ABCB1: variants seen among roughly 807,000 people sequenced by gnomAD.
ABCB1 encodes ATP binding cassette subfamily B member 1, also known as ATP-dependent translocase ABCB1.
ABCB1 carries 69 observed loss-of-function variants against 142.0 expected under a neutral mutation model. The ratio of observed to expected loss-of-function variants is 0.49; its 90% CI spans 0.40 to 0.59. The LOEUF (loss-of-function observed/expected upper bound fraction) is 0.59, where lower values mean the gene tolerates loss of function less well. Ranked by LOEUF, ABCB1 falls within the 20% of genes least tolerant of loss-of-function variation. The probability of loss-of-function intolerance (pLI) is 0.00; values close to 1 mark genes in which losing one functional copy is unlikely to be tolerated. For synonymous variants in ABCB1, 532 were observed against 539.2 expected (o/e 0.99, Z 0.18); for missense variants, 1,326 against 1,554.7 (o/e 0.85, Z 2.47).
intron 3 of ABCB1, among the ~76,000 whole-genome samples, chr7:87,592,072 T>C (rs758553928): frequency 6.6e-6 from 1 of 152,142 alleles, no homozygotes; most frequent in Non-Finnish European, 1.5e-5. Flanking sequence ...CAAACTTCAA[T>C]AGGTTGAGAA....
At chr7:87,514,533 C>T (rs933519473) in intron 25 of ABCB1, among the ~76,000 whole-genome samples, 8 of 152,114 alleles carry the variant, frequency 5.3e-5, no homozygotes, top group South Asian at 4.1e-4. Flanking sequence ...TTTCAATGCC[C>T]TCTCTCCATC....
At chr7:87,569,883 ATTCAACTGCATTTTAAAAGACTACC>A (rs1385026746) in intron 5 of ABCB1, among the ~76,000 whole-genome samples, 1 of 152,146 alleles carries the variant, frequency 6.6e-6, no homozygotes. Flanking sequence ...ATGATTCTTA[ATTCAACTGCATTTTAAAAGACTACC>A]TTAAACTCCT....
chr7:87,680,747 A>G (rs936910510), intron 1 of ABCB1, among the ~76,000 whole-genome samples: 1 of 150,246 alleles, frequency 6.7e-6, no homozygotes, highest in Non-Finnish European at 1.5e-5. Context: ...GTGAGCCAAG[A>G]TCGCGCCATT....
rs1229976439 is a variant in ABCB1 at position 87,503,490 on chromosome 7, T to TA, written c.*752dup. On this transcript the variant is annotated 3_prime_UTR_variant, in exon 28 of 28. Transcript: ENST00000622132. ...ATGTACTTTGGAAGTGTAAAAATCTTAAAAAATCCTTAAAGAACCCTTTAT... is the reference window on the plus strand; with the variant it reads ...ATGTACTTTGGAAGTGTAAAAATCTTAAAAAAATCCTTAAAGAACCCTTTAT... The TA allele has an allele frequency of 2.0e-5, 3 of 152,178 alleles. No homozygotes were observed. Among genetic ancestry groups the TA allele is most frequent in the Non-Finnish European group, 4.4e-5 (3 of 68,022 alleles). The allele number at this position is 152,178 out of a possible 1,614,324, so 9.4% of individuals were successfully genotyped here. A position where few individuals can be genotyped will look rare whatever the true frequency, so the allele number is the denominator to read the frequency against.
rs779516199 is a variant in ABCB1 at position 87,549,976 on chromosome 7, G to T, written c.1429C>A (p.Pro477Thr). Residue 477 changes from proline to threonine, a missense_variant, in exon 13 of 28, where the codon CCT becomes ACT. Physicochemically the swap from Pro to Thr is conservative, Grantham distance 38. Coordinates refer to ENST00000622132, the MANE Select transcript of ABCB1 (RefSeq NM_001348946.2). Reference protein sequence around the residue: ...REIIGVVSQEPVLFATTIAEN... With the variant: ...REIIGVVSQETVLFATTIAEN... ...GCTATCGTGGTGGCAAACAATACAG[G>T]TTCCTGACTCACCACACCAATGATT... 6.2e-7 allele frequency: 1 copy of T among 1,614,188 alleles called. No homozygotes were observed. The highest frequency in any genetic ancestry group is 1.3e-5 in the African/African-American group (1 of 75,052).
chr7:87,569,332 CAAAAAAAAAA>C (rs56689125), intron 5 of ABCB1, among the ~76,000 whole-genome samples: 1 of 111,966 alleles, frequency 8.9e-6, no homozygotes, highest in African/African-American at 3.5e-5. Context: ...CACTCTGTCT[CAAAAAAAAAA>C]AAAAAAAAAA....
At chr7:87,630,130 T>G (rs1240219559) in intron 1 of ABCB1, among the ~76,000 whole-genome samples, 2 of 152,198 alleles carry the variant, frequency 1.3e-5, no homozygotes. Context: ...CCTAGTGATA[T>G]TCCTCTTAAG....
At chr7:87,634,247 C>T (rs918945352) in intron 1 of ABCB1, among the ~76,000 whole-genome samples, 1 of 152,090 alleles carries the variant, frequency 6.6e-6, no homozygotes, top group African/African-American at 2.4e-5. Flanking sequence ...AACACCATCA[C>T]ATTGGAGATC....
At chr7:87,523,466 TAAAAATAC>T (rs1228553482) in intron 21 of ABCB1, among the ~76,000 whole-genome samples, 2 of 151,994 alleles carry the variant, frequency 1.3e-5, no homozygotes, top group African/African-American at 4.8e-5. Context: ...CCATCTCTAC[TAAAAATAC>T]AAAAATTAGC....
chr7:87,541,227 C>T (rs1158545735), intron 18 of ABCB1, 130 bp downstream of exon 18: 1 of 672,510 alleles, frequency 1.5e-6, no homozygotes, highest in East Asian at 2.8e-5. Context: ...GTCAGAAAAA[C>T]TTGGCTGTTA....
chr7:87,586,565 C>T (rs1453092831), intron 3 of ABCB1, among the ~76,000 whole-genome samples: 1 of 152,136 alleles, frequency 6.6e-6, no homozygotes, highest in East Asian at 1.9e-4. Context: ...TAGCTGTAGG[C>T]AACAGGTTTG....
chr7:87,640,251 G>T (rs1822293242), intron 1 of ABCB1, among the ~76,000 whole-genome samples: 1 of 150,474 alleles, frequency 6.6e-6, no homozygotes, highest in Non-Finnish European at 1.5e-5. Flanking sequence ...TTTACAGTAG[G>T]TATTTAGGAA....
chr7:87,702,268 T>C (rs1829155229), intron 1 of ABCB1, among the ~76,000 whole-genome samples: 1 of 151,326 alleles, frequency 6.6e-6, no homozygotes. Flanking sequence ...TTTATTGTTT[T>C]ATTTTATTTT....
intron 1 of ABCB1, among the ~76,000 whole-genome samples, chr7:87,653,807 T>C (rs751019726): frequency 1.3e-5 from 2 of 152,016 alleles, no homozygotes; most frequent in Non-Finnish European, 2.9e-5. Context: ...CTTAGTCTTC[T>C]GGCTTACCAC....
At chr7:87,530,842 A>AAAGCAAGAAAGC (rs763471275) in intron 21 of ABCB1, among the ~76,000 whole-genome samples, 24 of 88,272 alleles carry the variant, frequency 2.7e-4, no homozygotes, top group African/African-American at 5.3e-4. Context: ...AGAAAGCAAG[A>AAAGCAAGAAAGC]AAGAAAGAAA....
chr7:87,659,106 A>T (rs1039611056), intron 1 of ABCB1: 24 of 299,506 alleles, frequency 8.0e-5, no homozygotes, highest in Non-Finnish European at 7.2e-5. Flanking sequence ...GTGAGCTGTG[A>T]TCGTGCCATC....
intron 1 of ABCB1, among the ~76,000 whole-genome samples, chr7:87,690,175 A>AT (rs1191126940): frequency 6.6e-6 from 1 of 151,998 alleles, no homozygotes; most frequent in Non-Finnish European, 1.5e-5. Flanking sequence ...TGTAGTACAG[A>AT]TATATTTGAT....
chr7:87,671,920 G>T (rs1040222112), intron 1 of ABCB1, among the ~76,000 whole-genome samples: 3 of 152,208 alleles, frequency 2.0e-5, no homozygotes, highest in Non-Finnish European at 4.4e-5. Flanking sequence ...ACACAGGCAG[G>T]AGTGCTGGAG....
chr7:87,574,166 G>A (rs912485736), intron 4 of ABCB1, among the ~76,000 whole-genome samples: 2 of 152,116 alleles, frequency 1.3e-5, no homozygotes, highest in Non-Finnish European at 2.9e-5. Flanking sequence ...TTGAAGGGAC[G>A]GCTTTAGAAC....
Sources: allele counts gnomAD v4.1 joint callset (sites outside exome capture counted in the v4.1 genomes callset), GRCh38; gene constraint gnomAD v4.1.1; transcripts MANE v1.5; gene names NCBI Gene and HGNC (gene_info 2026-07-23, HGNC 2026-07-21).